The following KIAA1549 variants were observed in gnomAD, a reference collection of about 807,000 sequenced individuals.
The protein encoded by KIAA1549 is UPF0606 protein KIAA1549.
Under a neutral mutation model 156.4 loss-of-function variants are expected in KIAA1549, and 70 were observed. The ratio of observed to expected loss-of-function variants is 0.45; its 90% CI spans 0.37 to 0.55. The LOEUF (loss-of-function observed/expected upper bound fraction) is 0.55, where lower values mean the gene tolerates loss of function less well. KIAA1549 is among the 20% of genes least tolerant of loss of function. The probability of loss-of-function intolerance (pLI) is 0.00; values close to 1 mark genes in which losing one functional copy is unlikely to be tolerated. For missense variants in KIAA1549, 2,428 were observed against 2,540.9 expected, an observed-to-expected ratio of 0.96 and a Z score of 0.96; for synonymous variants, 1,103 against 1,066.4, an observed-to-expected ratio of 1.03 and a Z score of -0.67.
At chr7:138,871,892 C>T (rs1397720289) in intron 12 of KIAA1549, among the ~76,000 whole-genome samples, 1 of 152,230 alleles carries the variant, frequency 6.6e-6, no homozygotes, top group African/African-American at 2.4e-5. Flanking sequence ...TCTGACTTTT[C>T]AGTTCTGATG....
rs1245077716 is a variant in KIAA1549 at position 138,838,125 on chromosome 7, TGAA to T, written c.5631_5633del (p.Ser1878del). On this transcript the variant is annotated inframe_deletion, in exon 20 of 20. Transcript: ENST00000422774. ...AAGTCCTTGGCACCTGAAATAGCGG[TGAA>T]GAAGAATACTCTTGATGTCCGAGCA... The T allele has an allele frequency of 1.2e-5, 19 of 1,523,902 alleles. No individual in the cohort carries two copies. Among genetic ancestry groups the T allele is most frequent in the South Asian group, 2.5e-5 (2 of 79,494 alleles). 94.4% of individuals were successfully genotyped at this position (1,523,902 alleles called of 1,614,324 possible).
At chr7:138,913,320 A>G (rs1187219743) in intron 2 of KIAA1549, among the ~76,000 whole-genome samples, 1 of 152,228 alleles carries the variant, frequency 6.6e-6, no homozygotes, top group African/African-American at 2.4e-5. Context: ...GAATTCCACA[A>G]TTCCCACATA....
intron 15 of KIAA1549, among the ~76,000 whole-genome samples, chr7:138,864,227 G>A (rs1469960075): frequency 6.6e-6 from 1 of 152,180 alleles, no homozygotes; most frequent in Non-Finnish European, 1.5e-5. Flanking sequence ...TTCCACTGTG[G>A]GAAACGATCT....
intron 1 of KIAA1549, among the ~76,000 whole-genome samples, chr7:138,928,703 T>C (rs972886449): frequency 1.3e-5 from 2 of 152,244 alleles, no homozygotes; most frequent in Admixed American, 6.5e-5. Flanking sequence ...TCCCAGTGCA[T>C]ATAAAAGTTA....
intron 1 of KIAA1549, among the ~76,000 whole-genome samples, chr7:138,920,172 C>CT (rs1812525410): frequency 6.8e-6 from 1 of 146,824 alleles, no homozygotes; most frequent in African/African-American, 2.6e-5. Context: ...AATGCCCTTC[C>CT]CAGCTCTCTA....
At chr7:138,865,350 C>T (rs10225398) in intron 15 of KIAA1549, among the ~76,000 whole-genome samples, 39,325 of 151,748 alleles carry the variant, frequency 0.26, 5,354 homozygotes, top group Admixed American at 0.31. Context: ...GAGAACACAC[C>T]GCTCAAGGAG....
rs758028883 is a variant in KIAA1549 at position 138,918,963 on chromosome 7, T to TGC, written c.661_662dup (p.Tyr222HisfsTer53). On this transcript the variant is annotated frameshift_variant, in exon 2 of 20. Coordinates refer to ENST00000422774, the MANE Select transcript of KIAA1549 (RefSeq NM_001164665.2). LOFTEE classifies it high-confidence loss of function. The surrounding 1 kb of genome is among the most constrained non-coding windows in gnomAD (Gnocchi z 4.2). ...GGAAATGACTGGCGGACTCAGCATA[T>TGC]GCCGCTGGTTGTCGCGTTGTGTTCT... 2.5e-6 allele frequency: 4 copies of TGC among 1,613,934 alleles called. No homozygotes were observed. Among genetic ancestry groups the TGC allele is most frequent in the Non-Finnish European group, 2.5e-6 (3 of 1,179,906 alleles).
chr7:138,840,162 C>G lies in KIAA1549; in HGVS notation c.5569G>C (p.Gly1857Arg), dbSNP rs377591352. 6.4e-7 allele frequency: 1 copy of G among 1,554,878 alleles called. No homozygotes were observed. The highest frequency in any genetic ancestry group is 2.4e-5 in the East Asian group (1 of 41,202). Residue 1857 changes from glycine to arginine, a missense_variant, in exon 19 of 20, where the codon GGG (glycine) becomes CGG (arginine). This residue lies in a region of KIAA1549 where 363 missense variants were observed against 354.0 expected (regional missense o/e 1.03). Coordinates refer to ENST00000422774, the MANE Select transcript of KIAA1549 (RefSeq NM_001164665.2). ...QYGGPGWPSY[G>R]EDEAGRREAT... The stretch of plus-strand genomic sequence containing the variant: ...TCTCTTCGCCCCGCTTCGTCCTCCC[C>G]GTACGAAGGCCAGCCTGGCCCCCCA...
chr7:138,954,509 T>C (rs1813603259), intron 1 of KIAA1549, among the ~76,000 whole-genome samples: 1 of 152,096 alleles, frequency 6.6e-6, no homozygotes, highest in Admixed American at 6.5e-5. Flanking sequence ...AAGCGCAGGC[T>C]CTCTACGATA....
At chr7:138,930,617 T>G (rs1367027555) in intron 1 of KIAA1549, among the ~76,000 whole-genome samples, 1 of 152,256 alleles carries the variant, frequency 6.6e-6, no homozygotes, top group African/African-American at 2.4e-5. Context: ...TTCAAACTTT[T>G]CTTCTGCAGC....
intron 1 of KIAA1549, among the ~76,000 whole-genome samples, chr7:138,921,091 C>G (rs1416094535): frequency 6.6e-6 from 1 of 152,122 alleles, no homozygotes; most frequent in Non-Finnish European, 1.5e-5. Context: ...AGATGAGGGA[C>G]AAGTGTTAGC....
intron 16 of KIAA1549, among the ~76,000 whole-genome samples, chr7:138,853,452 C>T (rs2130351734): frequency 6.6e-6 from 1 of 152,272 alleles, no homozygotes; most frequent in Non-Finnish European, 1.5e-5. Context: ...CCCATGGTTT[C>T]CAAAACAAGA....
At chr7:138,859,900 C>A (rs148115999) in intron 16 of KIAA1549, among the ~76,000 whole-genome samples, 2,085 of 152,332 alleles carry the variant, frequency 0.014, 28 homozygotes, top group Non-Finnish European at 0.018. Flanking sequence ...CCTTCTTCAA[C>A]TGACAACCAC....
Position 138,832,371 on chromosome 7 carries a change from AT to A in KIAA1549, c.*5534del, listed in dbSNP as rs377264956. The A allele has an allele frequency of 1.1e-5, 2 of 190,048 alleles. No homozygotes were observed. Among genetic ancestry groups the A allele is most frequent in the African/African-American group, 2.3e-5 (1 of 42,776 alleles). 11.8% of individuals were successfully genotyped at this position (190,048 alleles called of 1,614,324 possible). On this transcript the variant is annotated 3_prime_UTR_variant, in exon 20 of 20. Transcript: ENST00000422774. ...GCCACCATGCTCAGCTAATTTTTAAATTTTTTTTGTAGAGACGGGGTCTCGT... is the reference window on the plus strand; with the variant it reads ...GCCACCATGCTCAGCTAATTTTTAAATTTTTTTGTAGAGACGGGGTCTCGT...
chr7:138,881,705 C>T, intron 10 of KIAA1549, 121 bp from the exon 11 acceptor site: 3 of 822,032 alleles, frequency 3.6e-6, no homozygotes, highest in Non-Finnish European at 5.6e-6. Context: ...ACAAGCATCG[C>T]TAGAACATGG....
At chr7:138,956,309 C>T (rs895498294) in intron 1 of KIAA1549, among the ~76,000 whole-genome samples, 3 of 152,076 alleles carry the variant, frequency 2.0e-5, no homozygotes, top group African/African-American at 4.8e-5. Flanking sequence ...GAGAAAGCAG[C>T]TAAGGGGAAG....
At chr7:138,876,655 T>C (rs920776871) in intron 12 of KIAA1549, among the ~76,000 whole-genome samples, 1 of 152,220 alleles carries the variant, frequency 6.6e-6, no homozygotes, top group Admixed American at 6.5e-5. Flanking sequence ...GGTATATTCC[T>C]GATGATAAAG....
At chr7:138,838,391 A>C (rs960778343) in intron 19 of KIAA1549, among the ~76,000 whole-genome samples, 6 of 152,056 alleles carry the variant, frequency 3.9e-5, no homozygotes, top group African/African-American at 1.2e-4. Flanking sequence ...GTCGGGTGAT[A>C]TCTGAGAGCT....
chr7:138,891,315 C>T (rs1811540432), intron 10 of KIAA1549, among the ~76,000 whole-genome samples: 4 of 152,318 alleles, frequency 2.6e-5, no homozygotes, highest in Admixed American at 2.6e-4. Flanking sequence ...GTCAGGAGCT[C>T]TGGTCTGACA....
Sources: allele counts gnomAD v4.1 joint callset (sites outside exome capture counted in the v4.1 genomes callset), GRCh38; gene constraint gnomAD v4.1.1; regional missense constraint gnomAD v4.1.1; non-coding constraint Gnocchi (gnomAD v3.1); transcripts MANE v1.5; gene names NCBI Gene and HGNC (gene_info 2026-07-23, HGNC 2026-07-21).